PCDH15: variants seen among roughly 807,000 people sequenced by gnomAD.
PCDH15 encodes protocadherin-15.
In PCDH15, 129 loss-of-function variants were observed where a neutral mutation model predicts 178.5. The ratio of observed to expected loss-of-function variants is 0.72; its 90% confidence interval spans 0.63 to 0.84. The LOEUF (loss-of-function observed/expected upper bound fraction) is 0.84. Ranked by LOEUF, PCDH15 falls within the 40% of genes least tolerant of loss-of-function variation. PCDH15 has a pLI of 0.00. For missense variants in PCDH15, 2,230 were observed against 2,099.9 expected (o/e 1.06, Z -1.21); for synonymous variants, 800 against 732.0 (o/e 1.09, Z -1.50).
At chr10:54,825,443 C>G (rs373868502) in intron 3 of PCDH15, among the ~76,000 whole-genome samples, 1 of 148,166 alleles carries the variant, frequency 6.7e-6, no homozygotes, top group African/African-American at 2.5e-5. Flanking sequence ...CCTGAGGAAT[C>G]GCCACGCTGA....
intron 2 of PCDH15, among the ~76,000 whole-genome samples, chr10:54,918,542 C>T (rs1483470617): frequency 6.6e-6 from 1 of 152,082 alleles, no homozygotes; most frequent in Non-Finnish European, 1.5e-5. Flanking sequence ...AAACACATGG[C>T]TAATTTGTGG....
chr10:54,979,416 C>A (rs867488574), intron 2 of PCDH15, among the ~76,000 whole-genome samples: 2 of 151,938 alleles, frequency 1.3e-5, no homozygotes, highest in Non-Finnish European at 1.5e-5. Context: ...CACCTGTAAT[C>A]CCAGCACTTT....
intron 8 of PCDH15, among the ~76,000 whole-genome samples, chr10:54,292,310 T>A (rs918336078): frequency 6.6e-6 from 1 of 152,154 alleles, no homozygotes; most frequent in African/African-American, 2.4e-5. Flanking sequence ...CAGGTATTGA[T>A]GGGATGTATC....
intron 3 of PCDH15, among the ~76,000 whole-genome samples, chr10:54,454,997 T>A (rs1432097816): frequency 6.6e-6 from 1 of 152,142 alleles, no homozygotes; most frequent in Non-Finnish European, 1.5e-5. Context: ...GCTGTTCTTG[T>A]GATAGTGAAT....
chr10:55,298,484 A>G (rs1843191268), intron 1 of PCDH15, among the ~76,000 whole-genome samples: 2 of 152,216 alleles, frequency 1.3e-5, no homozygotes, highest in African/African-American at 4.8e-5. Context: ...AACTCTGTAA[A>G]TGAACAAAAC....
intron 21 of PCDH15, among the ~76,000 whole-genome samples, chr10:53,971,446 G>A (rs919052608): frequency 1.3e-5 from 2 of 152,142 alleles, no homozygotes; most frequent in African/African-American, 4.8e-5. Flanking sequence ...AGGGCAATCA[G>A]GCAGGAGAAA....
chr10:54,460,799 T>C (rs2077119559), intron 3 of PCDH15, among the ~76,000 whole-genome samples: 1 of 152,058 alleles, frequency 6.6e-6, no homozygotes, highest in Admixed American at 6.6e-5. Flanking sequence ...AAGGATGATA[T>C]GAATTTTGAA....
At chr10:53,896,722 G>A (rs1386501648) in intron 26 of PCDH15, among the ~76,000 whole-genome samples, 2 of 152,064 alleles carry the variant, frequency 1.3e-5, no homozygotes, top group Non-Finnish European at 2.9e-5. Context: ...TCTGCCTCCT[G>A]TAAGATCAGT....
chr10:54,425,793 T>C (rs537797601), intron 3 of PCDH15, among the ~76,000 whole-genome samples: 2 of 152,300 alleles, frequency 1.3e-5, no homozygotes, highest in East Asian at 1.9e-4. Flanking sequence ...TAGGAATGGA[T>C]ACTTAACTCA....
intron 3 of PCDH15, among the ~76,000 whole-genome samples, chr10:54,479,558 A>G (rs2078549524): frequency 6.6e-6 from 1 of 152,038 alleles, no homozygotes; most frequent in Admixed American, 6.6e-5. Context: ...ATTAAAAAGT[A>G]AAAGATCCCT....
chr10:54,202,768 C>T (rs12770416), intron 10 of PCDH15, among the ~76,000 whole-genome samples: 133,881 of 148,974 alleles, frequency 0.9, 60,333 homozygotes, highest in East Asian at 0.98. Flanking sequence ...GCCAAGATTG[C>T]GCCACTACAT....
At chr10:55,600,351 G>A (rs1377995366) in intron 2 of PCDH15, among the ~76,000 whole-genome samples, 2 of 149,976 alleles carry the variant, frequency 1.3e-5, no homozygotes, top group African/African-American at 2.5e-5. Context: ...GAGACAGAGT[G>A]AGACTCTGTC....
intron 2 of PCDH15, among the ~76,000 whole-genome samples, chr10:55,473,506 A>T (rs1451135153): frequency 2.0e-5 from 3 of 152,198 alleles, no homozygotes; most frequent in Non-Finnish European, 4.4e-5. Flanking sequence ...ACATGGAAGA[A>T]GTACTTTACA....
At chr10:54,178,763 G>A (rs1258864939) in intron 13 of PCDH15, among the ~76,000 whole-genome samples, 1 of 152,002 alleles carries the variant, frequency 6.6e-6, no homozygotes, top group Non-Finnish European at 1.5e-5. Context: ...CAAAGAACAT[G>A]AACAGACACT....
chr10:54,964,650 T>C, intron 2 of PCDH15, among the ~76,000 whole-genome samples: 1 of 152,300 alleles, frequency 6.6e-6, no homozygotes, highest in East Asian at 1.9e-4. Context: ...TATAAGATCC[T>C]TAAAACATTT....
At chr10:54,922,229 A>G (rs1362918614) in intron 2 of PCDH15, among the ~76,000 whole-genome samples, 1 of 152,104 alleles carries the variant, frequency 6.6e-6, no homozygotes, top group Admixed American at 6.6e-5. Context: ...GCATTAAGTC[A>G]AAAGTCCAAG....
At chr10:53,941,256 T>C (rs923393547) in intron 23 of PCDH15, among the ~76,000 whole-genome samples, 2 of 152,176 alleles carry the variant, frequency 1.3e-5, no homozygotes, top group Non-Finnish European at 2.9e-5. Flanking sequence ...TAATGGCATG[T>C]ATCCGCTTTC....
chr10:55,015,356 A>G (rs1044912629), intron 2 of PCDH15, among the ~76,000 whole-genome samples: 1 of 151,998 alleles, frequency 6.6e-6, no homozygotes, highest in South Asian at 2.1e-4. Context: ...ATGCCTCACT[A>G]AACTCATTTA....
chr10:54,277,846 G>A (rs2058435987), intron 8 of PCDH15, among the ~76,000 whole-genome samples: 1 of 151,282 alleles, frequency 6.6e-6, no homozygotes, highest in African/African-American at 2.4e-5. Flanking sequence ...AGGGTGAGAG[G>A]AGTATAGAGG....
Sources: allele counts gnomAD v4.1 joint callset (sites outside exome capture counted in the v4.1 genomes callset), GRCh38; gene constraint gnomAD v4.1.1; transcripts MANE v1.5; gene names NCBI Gene and HGNC (gene_info 2026-07-23, HGNC 2026-07-21).